Variants in NRP2 observed in about 807,000 individuals in gnomAD.
NRP2 encodes neuropilin-2.
NRP2 carries 52 observed loss-of-function variants against 110.4 expected under a neutral mutation model. That is an observed-to-expected ratio of 0.47 (90% confidence interval 0.38 to 0.59). The LOEUF is 0.59. NRP2 is among the 20% of genes least tolerant of loss of function. The pLI, the probability that NRP2 is intolerant of heterozygous loss-of-function variation, is 0.00. For missense variants in NRP2, 1,049 were observed against 1,203.0 expected (o/e 0.87, Z 1.89); for synonymous variants, 508 against 468.9 (o/e 1.08, Z -1.08).
chr2:205,769,718 G>T (rs2057989058), intron 15 of NRP2, among the ~76,000 whole-genome samples: 1 of 152,142 alleles, frequency 6.6e-6, no homozygotes, highest in Admixed American at 6.5e-5. Context: ...TGTAGCCTGG[G>T]TGTGCATTCT....
chr2:205,719,918 C>A (rs758326835), intron 3 of NRP2, among the ~76,000 whole-genome samples: 6 of 152,200 alleles, frequency 3.9e-5, no homozygotes, highest in Non-Finnish European at 5.9e-5. Flanking sequence ...ACAATCTTAG[C>A]CTTGAGTGGG....
Position 205,765,349 on chromosome 2 carries a change from A to AACAC in NRP2, c.2308-109_2308-106dup, listed in dbSNP as rs35659576. ...TCAACAGATGTGTACCAGGTGCAATAACACACACACACACACACATACACA... is the reference window on the plus strand; with the variant it reads ...TCAACAGATGTGTACCAGGTGCAATAACACACACACACACACACACACATACACA... On this transcript the variant is annotated intron_variant, in intron 13 of 16. Coordinates refer to ENST00000357785, the MANE Select transcript of NRP2 (RefSeq NM_003872.3). 5,160 of 723,678 alleles carry AACAC rather than the reference A, an allele frequency of 7.1e-3. 18 individuals carry two copies. The highest frequency in any genetic ancestry group is 0.029 in the African/African-American group (1,655 of 57,802). The allele number at this position is 723,678 out of a possible 1,614,324, so 44.8% of individuals were successfully genotyped here.
At chr2:205,723,657 G>C in intron 4 of NRP2, 128 bp from the exon 5 acceptor site, 2 of 917,608 alleles carry the variant, frequency 2.2e-6, no homozygotes, top group South Asian at 2.9e-5. Flanking sequence ...ACATATCTTT[G>C]GTTTTTATGG....
rs2058336897 is a variant in NRP2 at position 205,794,781 on chromosome 2, C to A, written c.2504C>A (p.Ser835Tyr). Residue 835 changes from serine to tyrosine, a missense_variant, in exon 17 of 17, where the codon TCT (serine) becomes TAT (tyrosine). Ser to Tyr is a moderately radical substitution (Grantham distance 144, BLOSUM62 -2). Coordinates refer to ENST00000357785, the MANE Select transcript of NRP2 (RefSeq NM_003872.3). ...DDEYEVDWSN[S>Y]SSATSGSGAP... is the part of the protein sequence containing the mutation. ...GAATACGAGGTGGACTGGAGCAATTCTTCTTCTGCAACCTCAGGGTCTGGC... is the reference window on the plus strand; with the variant it reads ...GAATACGAGGTGGACTGGAGCAATTATTCTTCTGCAACCTCAGGGTCTGGC... 17 of 1,614,176 alleles carry A rather than the reference C, an allele frequency of 1.1e-5. No individual in the cohort carries two copies. The highest frequency in any genetic ancestry group is 1.4e-5 in the Non-Finnish European group (16 of 1,180,032).
In NRP2 at chr2:205,748,202, A is replaced by G. The variant is rs568264594; in HGVS notation, c.1787-1523A>G. 1.9e-4 allele frequency among the ~76,000 whole-genome samples: 29 copies of G among 152,204 alleles called. 1 individual carries two copies. The highest frequency in any genetic ancestry group is 6.8e-3 in the Middle Eastern group (2 of 294). On this transcript the variant is annotated intron_variant, in intron 10 of 16. Transcript: ENST00000357785. ...CTAACATTTCCAGAAACTGTTCTCC[A>G]TAGGTCACGTGGCTATGTTTGCTTT...
chr2:205,736,569 C>G (rs2057347153), intron 7 of NRP2, among the ~76,000 whole-genome samples: 1 of 152,126 alleles, frequency 6.6e-6, no homozygotes, highest in African/African-American at 2.4e-5. Flanking sequence ...TGTGCAAAGA[C>G]CCACTTGTTA....
chr2:205,736,317 G>A (rs1432918742), intron 7 of NRP2, among the ~76,000 whole-genome samples: 1 of 152,126 alleles, frequency 6.6e-6, no homozygotes, highest in Non-Finnish European at 1.5e-5. Flanking sequence ...ACTCCAGCCT[G>A]GGTGACAGAG....
intron 10 of NRP2, among the ~76,000 whole-genome samples, chr2:205,748,540 C>A (rs1016626282): frequency 3.9e-5 from 6 of 152,164 alleles, no homozygotes; most frequent in South Asian, 2.1e-4. Flanking sequence ...AGGTTATGTG[C>A]GTAGTATTTA....
chr2:205,726,710 A>C (rs1340638500), intron 6 of NRP2, among the ~76,000 whole-genome samples: 3 of 152,218 alleles, frequency 2.0e-5, no homozygotes, highest in Non-Finnish European at 4.4e-5. Flanking sequence ...CCCTGGGAAG[A>C]AGTAAACAGG....
At chr2:205,793,370 T>C (rs1575690223) in intron 16 of NRP2, among the ~76,000 whole-genome samples, 1 of 152,288 alleles carries the variant, frequency 6.6e-6, no homozygotes, top group Non-Finnish European at 1.5e-5. Context: ...ATATATATAA[T>C]ATCCTGCCTT....
chr2:205,795,013 G>A lies in NRP2; in HGVS notation c.2736G>A (p.Lys912=), dbSNP rs1213659782. 2.5e-6 allele frequency: 4 copies of A among 1,614,030 alleles called. No homozygotes were observed. In the African/African-American group the frequency reaches 5.3e-5, roughly 22 times the overall value. The change falls in exon 17 of 17, where the codon AAG becomes AAA. Residue 912 remains lysine (K), a synonymous_variant. Transcript: ENST00000357785. ...NYNFELYDGL[K]HKVKMNHQKC... ...ACTTCGAGCTCTACGATGGCCTTAA[G>A]CACAAGGTCAAGATGAACCACCAAA...
intron 9 of NRP2, 127 bp from the exon 10 acceptor site, chr2:205,745,619 G>A: frequency 1.0e-6 from 1 of 1,002,956 alleles, no homozygotes; most frequent in Non-Finnish European, 1.5e-6. Context: ...CAGTGACCAG[G>A]AATCAACTAG....
chr2:205,707,155 C>G (rs1010818414), intron 2 of NRP2, among the ~76,000 whole-genome samples: 6 of 152,246 alleles, frequency 3.9e-5, no homozygotes, highest in African/African-American at 1.4e-4. Flanking sequence ...CCAACCTGTT[C>G]TCTCAGAATG....
At position 205,725,914 on chromosome 2, in the gene NRP2, C is replaced by A; in HGVS notation, c.822C>A (p.Asn274Lys). ...YYLVHQEPLE[N>K]FQCNVPLGME... ...CATTTGACCGTCTGCTTTCCCCAGA[C>A]TTTCAGTGCAATGTTCCTCTGGGCA... Residue 274 changes from asparagine to lysine, a missense_variant and splice_region_variant, in exon 6 of 17, where the codon AAC becomes AAA. Asn to Lys is a moderately conservative substitution (Grantham distance 94). Transcript: ENST00000357785. The surrounding 1 kb of genome is among the most constrained non-coding windows in gnomAD (Gnocchi z 4.1). The A allele has an allele frequency of 6.2e-7, 1 of 1,614,120 alleles. No individual in the cohort carries two copies. Among genetic ancestry groups the A allele is most frequent in the Non-Finnish European group, 8.5e-7 (1 of 1,180,014 alleles).
rs1192417279 is a variant in NRP2, at chr2:205,763,895, C to T, written c.2266C>T (p.His756Tyr). ...IREDQGGEWK[H>Y]GRIILPSYDM... ...TGAGGACCAGGGCGGCGAGTGGAAG[C>T]ACGGGCGGATCATCCTGCCCAGCTA... The change falls in exon 13 of 17, where the codon CAC (histidine) becomes TAC (tyrosine). Residue 756 changes from histidine to tyrosine, a missense_variant. Physicochemically the swap from His to Tyr is moderately conservative, Grantham distance 83 (BLOSUM62 2). Coordinates refer to ENST00000357785, the MANE Select transcript of NRP2 (RefSeq NM_003872.3). This position sits in a 1 kb window ranked among gnomAD's most constrained non-coding sequence, Gnocchi z 4.0. The T allele has an allele frequency of 6.2e-7, 1 of 1,614,054 alleles. No homozygotes were observed. Among genetic ancestry groups the T allele is most frequent in the African/African-American group, 1.3e-5 (1 of 75,042 alleles).
intron 2 of NRP2, among the ~76,000 whole-genome samples, chr2:205,710,375 T>G (rs1025033613): frequency 7.2e-5 from 11 of 152,190 alleles, no homozygotes; most frequent in African/African-American, 2.7e-4. Flanking sequence ...GGATGGTAAT[T>G]GTAACAGGGC....
intron 7 of NRP2, 133 bp downstream of exon 7, chr2:205,728,179 G>C: frequency 9.5e-7 from 1 of 1,057,258 alleles, no homozygotes; most frequent in Non-Finnish European, 1.4e-6. Flanking sequence ...TGGAGGCAAG[G>C]GTCGTGCTGG....
rs1268394647 is a variant in NRP2 at position 205,796,327 on chromosome 2, A to T, written c.*1269A>T. 6.6e-6 allele frequency: 1 copy of T among 152,552 alleles called. No homozygotes were observed. Among genetic ancestry groups the T allele is most frequent in the Non-Finnish European group, 1.5e-5 (1 of 68,034 alleles). The allele number at this position is 152,552 out of a possible 1,614,324, so 9.4% of individuals were successfully genotyped here. On this transcript the variant is annotated 3_prime_UTR_variant, in exon 17 of 17. Transcript: ENST00000357785. ...TGTACAAGAACTGATTCTAACCAGAAGTCCGCAAGTACTGTGGACAAGAAT... is the reference window on the plus strand; with the variant it reads ...TGTACAAGAACTGATTCTAACCAGATGTCCGCAAGTACTGTGGACAAGAAT...
At chr2:205,712,224 A>G (rs1445523404) in intron 2 of NRP2, among the ~76,000 whole-genome samples, 1 of 152,208 alleles carries the variant, frequency 6.6e-6, no homozygotes, top group Non-Finnish European at 1.5e-5. Flanking sequence ...GGGAGTAGAG[A>G]TGGCTACTTC....
Sources: gnomAD v4.1 joint callset for allele counts (sites outside exome capture counted in the v4.1 genomes callset) on GRCh38, gnomAD v4.1.1 for gene constraint, Gnocchi (gnomAD v3.1) non-coding constraint, MANE v1.5 for transcripts, NCBI Gene and HGNC (gene_info 2026-07-23, HGNC 2026-07-21) for gene names.